MRTFA: variants seen among roughly 807,000 people sequenced by gnomAD.
MRTFA encodes myocardin related transcription factor A.
A neutral mutation model predicts 83.5 loss-of-function variants in MRTFA; 20 were observed. The ratio of observed to expected loss-of-function variants is 0.24; its 90% confidence interval spans 0.17 to 0.35. The LOEUF is 0.35. MRTFA is among the 10% of genes least tolerant of loss of function. MRTFA has a pLI of 1.00. For synonymous variants in MRTFA, 659 were observed against 541.2 expected (o/e 1.22, Z -3.02); for missense variants, 1,200 against 1,224.7 (o/e 0.98, Z 0.30).
chr22:40,429,594 G>A lies in MRTFA; in HGVS notation c.601+12C>T. 6.2e-7 allele frequency: 1 copy of A among 1,614,018 alleles called. No homozygotes were observed. The highest frequency in any genetic ancestry group is 1.1e-5 in the South Asian group (1 of 91,054). ...AGCTGCCTCTCACACAGGGTGGCTG[G>A]GTCCTCCTCACCAATGATGGCTTCC... On this transcript the variant is annotated intron_variant, in intron 7 of 14. Transcript: ENST00000355630.
At chr22:40,592,768 C>T (rs1419184998) in intron 2 of MRTFA, among the ~76,000 whole-genome samples, 2 of 152,134 alleles carry the variant, frequency 1.3e-5, no homozygotes, top group African/African-American at 4.8e-5. Flanking sequence ...GCTGGAATTA[C>T]AGGCATGAAC....
chr22:40,628,096 T>A (rs1569359446), intron 1 of MRTFA, among the ~76,000 whole-genome samples: 2 of 152,232 alleles, frequency 1.3e-5, no homozygotes, highest in Non-Finnish European at 2.9e-5. Flanking sequence ...TGAGGATTAA[T>A]AAGGTAGCAC....
chr22:40,463,484 G>A, intron 3 of MRTFA, 198 bp from the exon 4 acceptor site: 1 of 543,820 alleles, frequency 1.8e-6, no homozygotes, highest in South Asian at 2.4e-5. Context: ...TGGGCGGTGA[G>A]AGGAAGTTGC....
intron 2 of MRTFA, among the ~76,000 whole-genome samples, chr22:40,576,058 T>C (rs567105595): frequency 1.3e-5 from 2 of 150,186 alleles, no homozygotes; most frequent in African/African-American, 4.9e-5. Flanking sequence ...AGACGGAGTC[T>C]TGTTCTGTCT....
At chr22:40,427,945 T>G (rs2147087442) in intron 7 of MRTFA, among the ~76,000 whole-genome samples, 1 of 151,948 alleles carries the variant, frequency 6.6e-6, no homozygotes, top group African/African-American at 2.4e-5. Flanking sequence ...ATTTGATGAG[T>G]TTCTCTAGCT....
At chr22:40,606,201 T>C (rs551925474) in intron 1 of MRTFA, among the ~76,000 whole-genome samples, 19 of 152,260 alleles carry the variant, frequency 1.2e-4, no homozygotes, top group African/African-American at 4.3e-4. Flanking sequence ...TTCCAAAGTC[T>C]GAACAAGAAT....
intron 4 of MRTFA, among the ~76,000 whole-genome samples, chr22:40,459,822 C>CACATATACATATATATATATAT (rs1308675939): frequency 2.9e-5 from 2 of 68,266 alleles, no homozygotes; most frequent in African/African-American, 1.3e-4. Flanking sequence ...CACACACACA[C>CACATATACATATATATATATAT]ATATATACAT....
intron 1 of MRTFA, among the ~76,000 whole-genome samples, chr22:40,628,554 A>C (rs2147447642): frequency 6.6e-6 from 1 of 152,310 alleles, no homozygotes; most frequent in East Asian, 1.9e-4. Context: ...TACTCATTAC[A>C]AGCTCTCATT....
intron 3 of MRTFA, among the ~76,000 whole-genome samples, chr22:40,548,906 T>A (rs2055406830): frequency 2.0e-5 from 3 of 151,030 alleles, no homozygotes; most frequent in African/African-American, 2.4e-5. Flanking sequence ...AAAAAAAAAA[T>A]TATATCCAGG....
chr22:40,458,474 T>C (rs2053635722), intron 4 of MRTFA, among the ~76,000 whole-genome samples: 1 of 152,028 alleles, frequency 6.6e-6, no homozygotes. Flanking sequence ...GAATGACATA[T>C]AGAAACAGAA....
At chr22:40,544,531 T>A (rs549456488) in intron 3 of MRTFA, among the ~76,000 whole-genome samples, 28 of 152,138 alleles carry the variant, frequency 1.8e-4, no homozygotes, top group African/African-American at 6.8e-4. Flanking sequence ...CCAGCTAAAT[T>A]TAGAGATTCT....
At chr22:40,468,690 G>A (rs1220514883) in intron 3 of MRTFA, among the ~76,000 whole-genome samples, 1 of 152,210 alleles carries the variant, frequency 6.6e-6, no homozygotes, top group Non-Finnish European at 1.5e-5. Context: ...CCCTGGACTA[G>A]AAATTATATG....
intron 8 of MRTFA, 128 bp downstream of exon 8, chr22:40,424,078 A>C: frequency 9.4e-7 from 1 of 1,064,526 alleles, no homozygotes. Flanking sequence ...CACCTAAGCA[A>C]CTAGGGTAGC....
At chr22:40,588,319 G>A (rs545972323) in intron 2 of MRTFA, among the ~76,000 whole-genome samples, 2 of 152,160 alleles carry the variant, frequency 1.3e-5, no homozygotes, top group African/African-American at 2.4e-5. Flanking sequence ...GAGCCACCGC[G>A]CCCAGCCTCA....
chr22:40,567,423 C>T (rs566664944), intron 2 of MRTFA, among the ~76,000 whole-genome samples: 1 of 152,158 alleles, frequency 6.6e-6, no homozygotes, highest in Non-Finnish European at 1.5e-5. Context: ...CCACACGCTA[C>T]GTATAAGAGA....
intron 3 of MRTFA, among the ~76,000 whole-genome samples, chr22:40,513,654 T>TA (rs892183588): frequency 5.2e-4 from 76 of 145,652 alleles, no homozygotes; most frequent in South Asian, 8.7e-4. Context: ...GCTTGCCATT[T>TA]AAAAAAAAAA....
chr22:40,570,110 T>C (rs1283533872), intron 2 of MRTFA, among the ~76,000 whole-genome samples: 1 of 152,044 alleles, frequency 6.6e-6, no homozygotes, highest in Non-Finnish European at 1.5e-5. Context: ...TTGCCCAATA[T>C]CCTCTCTCAC....
chr22:40,500,181 G>A (rs867050571), intron 3 of MRTFA, among the ~76,000 whole-genome samples: 69 of 150,146 alleles, frequency 4.6e-4, no homozygotes, highest in African/African-American at 1.6e-3. Context: ...TGCCCACCTC[G>A]GCCTCCCAAA....
At chr22:40,578,529 G>A (rs2055900476) in intron 2 of MRTFA, among the ~76,000 whole-genome samples, 1 of 152,168 alleles carries the variant, frequency 6.6e-6, no homozygotes, top group Admixed American at 6.6e-5. Flanking sequence ...CGACTCAGGA[G>A]GCCAAGGCAG....
Sources: allele counts gnomAD v4.1 joint callset (sites outside exome capture counted in the v4.1 genomes callset), GRCh38; gene constraint gnomAD v4.1.1; transcripts MANE v1.5; gene names NCBI Gene and HGNC (gene_info 2026-07-23, HGNC 2026-07-21).